PCDHA2: variants seen among roughly 807,000 people sequenced by gnomAD.
PCDHA2 encodes protocadherin alpha 2, also known as protocadherin alpha-2.
A neutral mutation model predicts 66.0 loss-of-function variants in PCDHA2; 58 were observed. The ratio of observed to expected loss-of-function variants is 0.88; its 90% confidence interval spans 0.71 to 1.09. PCDHA2 has a LOEUF of 1.09. Ranked by LOEUF, PCDHA2 falls within the 50% of genes least tolerant of loss-of-function variation. The pLI is 0.00. For missense variants in PCDHA2, 1,267 were observed against 1,242.3 expected, an observed-to-expected ratio of 1.02 and a Z score of -0.30; for synonymous variants, 634 against 554.0, an observed-to-expected ratio of 1.14 and a Z score of -2.03.
At chr5:140,968,598 A>G in intron 1 of PCDHA2, 2 of 1,614,102 alleles carry the variant, frequency 1.2e-6, no homozygotes, top group Non-Finnish European at 1.7e-6. Flanking sequence ...ATAGCTATGG[A>G]CTCAGACTCT....
chr5:140,984,971 T>A (rs1437915679), intron 3 of PCDHA2, among the ~76,000 whole-genome samples: 1 of 152,080 alleles, frequency 6.6e-6, no homozygotes, highest in East Asian at 1.9e-4. Flanking sequence ...AGAGTCTCGC[T>A]CTGTCCCCCA....
At chr5:140,951,941 C>T (rs576414648) in intron 1 of PCDHA2, among the ~76,000 whole-genome samples, 8 of 152,220 alleles carry the variant, frequency 5.3e-5, no homozygotes, top group African/African-American at 1.4e-4. Flanking sequence ...AGATACAGTG[C>T]GGGTACAGGC....
At chr5:140,940,600 G>A (rs576348550) in intron 1 of PCDHA2, among the ~76,000 whole-genome samples, 36 of 152,074 alleles carry the variant, frequency 2.4e-4, no homozygotes, top group African/African-American at 8.4e-4. Flanking sequence ...GGCATGAGCC[G>A]CTGCTCCTGG....
rs2150441857 is a variant in PCDHA2 at position 140,849,593 on chromosome 5, G to T, written c.2388+52241G>T. ...CTGTAAAAGAGGACGCACAACTGGGGACAGTTATTGCCCTGATTAGTGTGA... is the reference window on the plus strand; with the variant it reads ...CTGTAAAAGAGGACGCACAACTGGGTACAGTTATTGCCCTGATTAGTGTGA... On this transcript the variant is annotated intron_variant, in intron 1 of 3. Transcript: ENST00000526136. The T allele has an allele frequency of 3.0e-5, 48 of 1,598,606 alleles. 4 individuals carry two copies. Among genetic ancestry groups the T allele is most frequent in the African/African-American group, 1.1e-4 (8 of 74,332 alleles).
At chr5:140,807,019 GAGA>G in intron 1 of PCDHA2, 1 of 815,358 alleles carries the variant, frequency 1.2e-6, no homozygotes, top group Non-Finnish European at 1.9e-6. Context: ...AAATACATGA[GAGA>G]AGGAGGAAGA....
At chr5:140,975,553 G>T (rs990389718) in intron 1 of PCDHA2, among the ~76,000 whole-genome samples, 2 of 152,226 alleles carry the variant, frequency 1.3e-5, no homozygotes, top group Non-Finnish European at 2.9e-5. Context: ...TATTAGGAAG[G>T]AAAAGGAGAT....
At chr5:140,936,153 A>G (rs539421853) in intron 1 of PCDHA2, among the ~76,000 whole-genome samples, 1 of 152,284 alleles carries the variant, frequency 6.6e-6, no homozygotes, top group Admixed American at 6.5e-5. Flanking sequence ...TTGGCCTCCT[A>G]AAGTGCTGGG....
rs111391918 is a variant in PCDHA2 at position 140,984,395 on chromosome 5, G to A, written c.2536+1832G>A. ...CCCTCTTTCAGATTCAAAAAATGTTGAGAACCTATCTTTTTTACAGAGATA... is the reference window on the plus strand; with the variant it reads ...CCCTCTTTCAGATTCAAAAAATGTTAAGAACCTATCTTTTTTACAGAGATA... On this transcript the variant is annotated intron_variant, in intron 3 of 3. Coordinates refer to ENST00000526136, the MANE Select transcript of PCDHA2 (RefSeq NM_018905.3). 6.4e-3 allele frequency among the ~76,000 whole-genome samples: 978 copies of A among 152,194 alleles called. 14 individuals are homozygous for A. Among genetic ancestry groups the A allele is most frequent in the African/African-American group, 0.023 (947 of 41,508 alleles).
rs2150234771 is a variant in PCDHA2, at chr5:140,835,383, T to C, written c.2388+38031T>C. ...AGGCTTCCCACCCCTGGCTGGTCAT[T>C]GTACAGTTCTTGTGGAAGTTGTGGA... On this transcript the variant is annotated intron_variant, in intron 1 of 3. Coordinates refer to ENST00000526136, the MANE Select transcript of PCDHA2 (RefSeq NM_018905.3). The C allele has an allele frequency of 7.4e-6, 12 of 1,613,968 alleles. No individual in the cohort carries two copies. In the South Asian group the frequency reaches 1.3e-4, roughly 18 times the overall value.
At chr5:140,916,279 C>T (rs2077510203) in intron 1 of PCDHA2, among the ~76,000 whole-genome samples, 1 of 152,228 alleles carries the variant, frequency 6.6e-6, no homozygotes, top group Admixed American at 6.5e-5. Context: ...TGTTGCTCTA[C>T]TCCACGTGGC....
intron 1 of PCDHA2, among the ~76,000 whole-genome samples, chr5:140,890,783 A>G (rs150043569): frequency 1.3e-5 from 2 of 152,302 alleles, no homozygotes; most frequent in African/African-American, 4.8e-5. Context: ...CCCATAAGAT[A>G]TTAGTATTAT....
chr5:141,001,229 A>G (rs1055246744), intron 3 of PCDHA2, among the ~76,000 whole-genome samples: 41 of 152,314 alleles, frequency 2.7e-4, no homozygotes, highest in African/African-American at 9.1e-4. Flanking sequence ...AGTTACATTT[A>G]ATCTATAAAT....
intron 1 of PCDHA2, among the ~76,000 whole-genome samples, chr5:140,900,150 C>T (rs265315): frequency 0.046 from 7,055 of 152,208 alleles, 291 homozygotes; most frequent in African/African-American, 0.11. Context: ...TAAGAACATA[C>T]GATATTTGTC....
chr5:140,810,294 A>G (rs1468211425), intron 1 of PCDHA2: 1 of 152,220 alleles, frequency 6.6e-6, no homozygotes, highest in Non-Finnish European at 1.5e-5. Flanking sequence ...CATCATAAAT[A>G]TATTGTACAT....
chr5:140,996,453 C>A (rs1289648745), intron 3 of PCDHA2, among the ~76,000 whole-genome samples: 2 of 152,160 alleles, frequency 1.3e-5, no homozygotes, highest in African/African-American at 4.8e-5. Flanking sequence ...AGTTGTGGTG[C>A]TAAGGGAGGA....
At chr5:140,975,610 C>T (rs1412581927) in intron 1 of PCDHA2, among the ~76,000 whole-genome samples, 5 of 152,160 alleles carry the variant, frequency 3.3e-5, no homozygotes, top group Non-Finnish European at 7.4e-5. Flanking sequence ...TGATGTCTTC[C>T]ACATGGATTT....
At chr5:140,807,105 G>A in intron 1 of PCDHA2, 1 of 1,454,334 alleles carries the variant, frequency 6.9e-7, no homozygotes, top group South Asian at 1.3e-5. Flanking sequence ...GGAGGATGCA[G>A]CTGCACTTGA....
chr5:140,841,647 T>A (rs1580971695), intron 1 of PCDHA2: 1 of 1,614,144 alleles, frequency 6.2e-7, no homozygotes, highest in East Asian at 2.2e-5. Context: ...CTGGAGGTGA[T>A]CGTGGACAGG....
At chr5:140,848,056 C>T (rs2150406105) in intron 1 of PCDHA2, 2 of 161,888 alleles carry the variant, frequency 1.2e-5, no homozygotes, top group South Asian at 3.2e-4. Context: ...TTAATTGTTA[C>T]TTCATTTCTG....
Sources: gnomAD v4.1 joint callset for allele counts (sites outside exome capture counted in the v4.1 genomes callset) on GRCh38, gnomAD v4.1.1 for gene constraint, MANE v1.5 for transcripts, NCBI Gene and HGNC (gene_info 2026-07-23, HGNC 2026-07-21) for gene names.